The following SERPINB2 variants were observed in gnomAD, a reference collection of about 807,000 sequenced individuals.
SERPINB2 encodes serpin family B member 2, also known as plasminogen activator inhibitor 2.
A neutral mutation model predicts 39.4 loss-of-function variants in SERPINB2; 28 were observed. The ratio of observed to expected loss-of-function variants is 0.71; its 90% CI spans 0.53 to 0.97. The LOEUF (loss-of-function observed/expected upper bound fraction) is 0.97. SERPINB2 is among the 50% of genes least tolerant of loss of function. The probability of loss-of-function intolerance (pLI) is 0.00; values close to 1 mark genes in which losing one functional copy is unlikely to be tolerated. For missense variants in SERPINB2, 557 were observed against 505.3 expected (o/e 1.10, Z -0.98); for synonymous variants, 209 against 175.1 (o/e 1.19, Z -1.53).
At chr18:63,902,382 T>C in intron 6 of SERPINB2, 22 bp from the exon 7 acceptor site, 1 of 1,530,174 alleles carries the variant, frequency 6.5e-7, no homozygotes, top group South Asian at 1.3e-5. Context: ...GACTTCCATA[T>C]TTTACCTTTT....
In SERPINB2 at chr18:63,903,222, G is replaced by T. The variant is rs1443223982; in HGVS notation, c.1165G>T (p.Val389Leu). ...GRTGHGGPQF[V>L]ADHPFLFLIM... Reference sequence around the variant, plus strand: ...AACTGGACATGGAGGCCCACAGTTTGTGGCAGATCATCCTTTTCTTTTTCT... The same window carrying T: ...AACTGGACATGGAGGCCCACAGTTTTTGGCAGATCATCCTTTTCTTTTTCT... Residue 389 changes from valine to leucine, a missense_variant, in exon 8 of 8, where the codon GTG becomes TTG. Transcript: ENST00000299502. 6.2e-7 allele frequency: 1 copy of T among 1,605,812 alleles called. No homozygotes were observed. Among genetic ancestry groups the T allele is most frequent in the Non-Finnish European group, 8.5e-7 (1 of 1,177,470 alleles).
intron 1 of SERPINB2, among the ~76,000 whole-genome samples, chr18:63,889,666 T>G (rs1599055902): frequency 3.9e-5 from 6 of 152,186 alleles, no homozygotes; most frequent in African/African-American, 1.4e-4. Flanking sequence ...TCTATTTAAT[T>G]ATGAAGACAA....
At chr18:63,890,454 G>A (rs1351250461) in intron 1 of SERPINB2, 2 of 151,990 alleles carry the variant, frequency 1.3e-5, no homozygotes, top group Non-Finnish European at 2.9e-5. Flanking sequence ...GATAATTATC[G>A]GGTATGTTGC....
chr18:63,896,639 G>A (rs985028084), intron 3 of SERPINB2, among the ~76,000 whole-genome samples: 3 of 152,110 alleles, frequency 2.0e-5, no homozygotes, highest in African/African-American at 7.2e-5. Flanking sequence ...TGTATAGTGA[G>A]GACACTTAAA....
chr18:63,903,211 G>A lies in SERPINB2; in HGVS notation c.1154G>A (p.Gly385Asp), dbSNP rs754438361. 3 of 1,612,192 alleles carry A rather than the reference G, an allele frequency of 1.9e-6. No individual in the cohort carries two copies. Among genetic ancestry groups the A allele is most frequent in the Admixed American group, 3.4e-5 (2 of 59,666 alleles). ...ATGACAGGGAGAACTGGACATGGAG[G>A]CCCACAGTTTGTGGCAGATCATCCT... ...GVMTGRTGHG[G>D]PQFVADHPFL... The change falls in exon 8 of 8, where the codon GGC becomes GAC. Residue 385 changes from glycine (G) to aspartate (D), a missense_variant. Coordinates refer to ENST00000299502, the MANE Select transcript of SERPINB2 (RefSeq NM_002575.3).
rs576053393 is a variant in SERPINB2, at chr18:63,903,289, G to C, written c.1232G>C (p.Arg411Thr). The C allele has an allele frequency of 6.5e-7, 1 of 1,530,646 alleles. No homozygotes were observed. Among genetic ancestry groups the C allele is most frequent in the Non-Finnish European group, 8.8e-7 (1 of 1,139,682 alleles). 94.8% of individuals were successfully genotyped at this position (1,530,646 alleles called of 1,614,324 possible). Reference protein sequence around the residue: ...KITNCILFFGRFSSP With the variant: ...KITNCILFFGTFSSP The stretch of plus-strand genomic sequence containing the variant: ...ACCAACTGCATTTTATTTTTCGGCA[G>C]ATTTTCCTCACCCTAAAACTAAGCG... Residue 411 changes from arginine to threonine, a missense_variant, in exon 8 of 8, where the codon AGA becomes ACA. Physicochemically the swap from Arg to Thr is moderately conservative, Grantham distance 71. Transcript: ENST00000299502.
Position 63,895,246 on chromosome 18 carries a change from C to A in SERPINB2, c.169-18C>A. ...ATCCGTGGGCAAGTGTAACCGTTTTCTCTAATTCTGATTGCAGGTGCTTCA... is the reference window on the plus strand; with the variant it reads ...ATCCGTGGGCAAGTGTAACCGTTTTATCTAATTCTGATTGCAGGTGCTTCA... On this transcript the variant is annotated intron_variant, in intron 2 of 7. Coordinates refer to ENST00000299502, the MANE Select transcript of SERPINB2 (RefSeq NM_002575.3). The A allele has an allele frequency of 6.2e-7, 1 of 1,612,384 alleles. No homozygotes were observed. The highest frequency in any genetic ancestry group is 8.5e-7 in the Non-Finnish European group (1 of 1,179,552).
intron 5 of SERPINB2, among the ~76,000 whole-genome samples, chr18:63,900,742 T>C (rs2049986559): frequency 6.6e-6 from 1 of 152,096 alleles, no homozygotes; most frequent in Non-Finnish European, 1.5e-5. Flanking sequence ...GTCCCCATTT[T>C]AGCTAGCCCT....
In SERPINB2 at chr18:63,902,368, A is replaced by C. The variant is rs1279784471; in HGVS notation, c.679-36A>C. On this transcript the variant is annotated intron_variant, in intron 6 of 7. Transcript: ENST00000299502. ...AATTGTAAATCTCTTGATATCTTAT[A>C]ATCGACTTCCATATTTTACCTTTTA... 2.0e-6 allele frequency: 3 copies of C among 1,505,618 alleles called. No individual in the cohort carries two copies. The African/African-American group carries it at 4.2e-5, about 21-fold the overall frequency. 93.3% of individuals were successfully genotyped at this position (1,505,618 alleles called of 1,614,324 possible).
chr18:63,897,065 T>C (rs369406070), intron 3 of SERPINB2, 26 bp from the exon 4 acceptor site: 1 of 1,604,736 alleles, frequency 6.2e-7, no homozygotes, highest in Non-Finnish European at 8.5e-7. Context: ...GTGTTATATA[T>C]AAAGAATTCC....
At chr18:63,894,874 A>G (rs2049948993) in intron 2 of SERPINB2, among the ~76,000 whole-genome samples, 1 of 152,228 alleles carries the variant, frequency 6.6e-6, no homozygotes, top group Non-Finnish European at 1.5e-5. Flanking sequence ...AAGGCCACTG[A>G]AAAGAGAGAG....
At chr18:63,891,790 C>A (rs183235770) in intron 2 of SERPINB2, among the ~76,000 whole-genome samples, 178 bp downstream of exon 2, 1 of 152,204 alleles carries the variant, frequency 6.6e-6, no homozygotes, top group Non-Finnish European at 1.5e-5. Context: ...GACAGCCAAG[C>A]CCCCGAATCC....
intron 5 of SERPINB2, among the ~76,000 whole-genome samples, chr18:63,898,731 T>C (rs2049975461): frequency 6.6e-6 from 1 of 152,104 alleles, no homozygotes; most frequent in Non-Finnish European, 1.5e-5. Context: ...TGACTGGATT[T>C]AAAAATGATT....
At position 63,903,326 on chromosome 18, in the gene SERPINB2, C is replaced by T; in HGVS notation, c.*21C>T. On this transcript the variant is annotated 3_prime_UTR_variant, in exon 8 of 8. Coordinates refer to ENST00000299502, the MANE Select transcript of SERPINB2 (RefSeq NM_002575.3). ...CCTAAAACTAAGCGTGCTGCTTCTGCAAAAGATTTTTGTAGATGAGCTGTG... is the reference window on the plus strand; with the variant it reads ...CCTAAAACTAAGCGTGCTGCTTCTGTAAAAGATTTTTGTAGATGAGCTGTG... 6.8e-7 allele frequency: 1 copy of T among 1,470,166 alleles called. No homozygotes were observed. Among genetic ancestry groups the T allele is most frequent in the Non-Finnish European group, 9.0e-7 (1 of 1,110,662 alleles). The allele number at this position is 1,470,166 out of a possible 1,614,324, so 91.1% of individuals were successfully genotyped here.
At chr18:63,897,983 T>C in intron 5 of SERPINB2, 139 bp downstream of exon 5, 1 of 638,590 alleles carries the variant, frequency 1.6e-6, no homozygotes, top group Non-Finnish European at 2.8e-6. Flanking sequence ...GTGAATTTAT[T>C]CCTGATTAGC....
rs765671267 is a variant in SERPINB2 at position 63,897,216 on chromosome 18, G to A, written c.414G>A (p.Arg138=). 5.0e-6 allele frequency: 8 copies of A among 1,606,592 alleles called. No homozygotes were observed. The highest frequency in any genetic ancestry group is 5.9e-6 in the Non-Finnish European group (7 of 1,177,136). ...TTGGTGAGAAGTCTGCGAGCTTCCG[G>A]GAAGTAAGTGAAACCTGTAATTGAA... ...KLFGEKSASF[R]EEYIRLCQKY... is the part of the protein sequence containing the mutation. The change falls in exon 4 of 8, where the codon CGG becomes CGA. Residue 138 remains arginine, a synonymous_variant. Transcript: ENST00000299502.
rs1260790385 is a variant in SERPINB2, at chr18:63,903,229, A to T, written c.1172A>T (p.Asp391Val). 2 of 1,599,596 alleles carry T rather than the reference A, an allele frequency of 1.3e-6. No homozygotes were observed. Among genetic ancestry groups the T allele is most frequent in the East Asian group, 2.2e-5 (1 of 44,708 alleles). The part of the protein sequence containing the change: ...TGHGGPQFVA[D>V]HPFLFLIMHK... ...CATGGAGGCCCACAGTTTGTGGCAGATCATCCTTTTCTTTTTCTTATTATG... is the reference window on the plus strand; with the variant it reads ...CATGGAGGCCCACAGTTTGTGGCAGTTCATCCTTTTCTTTTTCTTATTATG... Residue 391 changes from aspartate to valine, a missense_variant, in exon 8 of 8, where the codon GAT (aspartate) becomes GTT (valine). Asp to Val is a radical substitution (Grantham distance 152, BLOSUM62 -3). Coordinates refer to ENST00000299502, the MANE Select transcript of SERPINB2 (RefSeq NM_002575.3).
At chr18:63,897,993 C>G in intron 5 of SERPINB2, 149 bp downstream of exon 5, 1 of 627,858 alleles carries the variant, frequency 1.6e-6, no homozygotes, top group Non-Finnish European at 2.9e-6. Flanking sequence ...TCCTGATTAG[C>G]TCAGTGGTGT....
In SERPINB2 at chr18:63,897,680, GT is replaced by G. The variant is rs756248213; in HGVS notation, c.418-44del. 27 of 1,239,574 alleles carry G rather than the reference GT, an allele frequency of 2.2e-5. No homozygotes were observed. In the South Asian group the frequency reaches 3.3e-4, roughly 15 times the overall value. The allele number at this position is 1,239,574 out of a possible 1,614,324, so 76.8% of individuals were successfully genotyped here. On this transcript the variant is annotated intron_variant, in intron 4 of 7. Coordinates refer to ENST00000299502, the MANE Select transcript of SERPINB2 (RefSeq NM_002575.3). ...ATAATTCACCATTATGCCATGGCTTGTTTGGTATGTATTTTATGTAGCCTTT... is the reference window on the plus strand; with the variant it reads ...ATAATTCACCATTATGCCATGGCTTGTTGGTATGTATTTTATGTAGCCTTT...
Sources: gnomAD v4.1 joint callset for allele counts (sites outside exome capture counted in the v4.1 genomes callset) on GRCh38, gnomAD v4.1.1 for gene constraint, MANE v1.5 for transcripts, NCBI Gene and HGNC (gene_info 2026-07-23, HGNC 2026-07-21) for gene names.